The following UNC13C variants were observed in gnomAD, a reference collection of about 807,000 sequenced individuals.
UNC13C encodes protein unc-13 homolog C.
A neutral mutation model predicts 245.4 loss-of-function variants in UNC13C; 174 were observed. The ratio of observed to expected loss-of-function variants is 0.71; its 90% CI spans 0.63 to 0.80. UNC13C has a LOEUF of 0.80. UNC13C is among the 30% of genes least tolerant of loss of function. The pLI is 0.00. For missense variants in UNC13C, 2,829 were observed against 2,602.9 expected (o/e 1.09, Z -1.89); for synonymous variants, 992 against 895.1 (o/e 1.11, Z -1.93).
intron 1 of UNC13C, among the ~76,000 whole-genome samples, chr15:53,991,252 A>G (rs576156129): frequency 3.3e-5 from 5 of 152,156 alleles, no homozygotes; most frequent in East Asian, 1.9e-4. Flanking sequence ...AGAGGAGTCT[A>G]TAAGGTTAAA....
At chr15:54,122,250 GT>G in intron 2 of UNC13C, among the ~76,000 whole-genome samples, 1 of 151,880 alleles carries the variant, frequency 6.6e-6, no homozygotes, top group African/African-American at 2.4e-5. Flanking sequence ...GGTGTACCAT[GT>G]TTTTAATAAA....
At chr15:54,249,133 C>G (rs1359516424) in intron 7 of UNC13C, among the ~76,000 whole-genome samples, 1 of 152,092 alleles carries the variant, frequency 6.6e-6, no homozygotes, top group Admixed American at 6.5e-5. Context: ...TGGTCTTTCT[C>G]TCAGGAAGTC....
At chr15:54,282,997 C>T (rs948267639) in intron 10 of UNC13C, among the ~76,000 whole-genome samples, 1 of 152,078 alleles carries the variant, frequency 6.6e-6, no homozygotes, top group Non-Finnish European at 1.5e-5. Flanking sequence ...GAAGACCTCA[C>T]TCAAAGGTGG....
chr15:53,973,989 C>T (rs978198231), upstream of UNC13C, among the ~76,000 whole-genome samples: 14 of 152,106 alleles, frequency 9.2e-5, no homozygotes, highest in African/African-American at 2.9e-4. Context: ...AGTAGACGTT[C>T]AAGGCCTGAT....
chr15:54,522,073 C>A (rs548121292), intron 24 of UNC13C, among the ~76,000 whole-genome samples: 1 of 152,144 alleles, frequency 6.6e-6, no homozygotes, highest in Non-Finnish European at 1.5e-5. Context: ...GCTAGCTACA[C>A]TTGAGCGAAA....
intron 26 of UNC13C, among the ~76,000 whole-genome samples, chr15:54,540,977 T>C (rs1896218562): frequency 6.6e-6 from 1 of 152,054 alleles, no homozygotes; most frequent in African/African-American, 2.4e-5. Context: ...TTTGTTATTC[T>C]GCCATGACAC....
intron 17 of UNC13C, among the ~76,000 whole-genome samples, chr15:54,376,326 C>G (rs1320832582): frequency 6.6e-6 from 1 of 151,866 alleles, no homozygotes; most frequent in Non-Finnish European, 1.5e-5. Context: ...TAAGATTCCT[C>G]TAAAGACAAA....
intron 2 of UNC13C, among the ~76,000 whole-genome samples, chr15:54,067,011 T>G (rs1898107465): frequency 6.6e-6 from 1 of 152,138 alleles, no homozygotes; most frequent in Non-Finnish European, 1.5e-5. Flanking sequence ...ATCTAAGACA[T>G]GGCTTGTTTT....
Position 54,020,504 on chromosome 15 carries a change from C to T in UNC13C, c.2983+4618C>T, listed in dbSNP as rs184842984. On this transcript the variant is annotated intron_variant, in intron 2 of 32. Coordinates refer to ENST00000260323, the MANE Select transcript of UNC13C (RefSeq NM_001080534.3). Reference sequence around the variant, plus strand: ...TTCACCATATTATCCAGGCTGGTCTCGAACTCCTGACCTCGTGATCTGCCT... The same window carrying T: ...TTCACCATATTATCCAGGCTGGTCTTGAACTCCTGACCTCGTGATCTGCCT... Among the ~76,000 whole-genome samples the T allele has an allele frequency of 3.6e-3, 527 of 144,838 alleles. 4 individuals carry two copies. Among genetic ancestry groups the T allele is most frequent in the African/African-American group, 0.013 (514 of 39,228 alleles).
At chr15:54,562,266 T>C (rs1281266890) in intron 29 of UNC13C, among the ~76,000 whole-genome samples, 4 of 152,022 alleles carry the variant, frequency 2.6e-5, no homozygotes, top group Admixed American at 1.3e-4. Context: ...ACACCAAAGG[T>C]AGAATGGATA....
the UNC13C span, among the ~76,000 whole-genome samples, chr15:53,895,095 G>A: frequency 3.9e-5 from 6 of 152,036 alleles, no homozygotes; most frequent in African/African-American, 1.4e-4. Flanking sequence ...TGGGCGTGGT[G>A]GCTCATGCCT....
chr15:54,218,202 T>C (rs2035101455), intron 4 of UNC13C, among the ~76,000 whole-genome samples: 2 of 151,990 alleles, frequency 1.3e-5, no homozygotes, highest in Admixed American at 1.3e-4. Context: ...CTCCTGTCAG[T>C]AACAAGTGTT....
intron 19 of UNC13C, among the ~76,000 whole-genome samples, chr15:54,422,466 A>G (rs1361080677): frequency 6.6e-6 from 1 of 152,016 alleles, no homozygotes; most frequent in Non-Finnish European, 1.5e-5. Context: ...TTCCTCTTTC[A>G]ATTGACCAAA....
chr15:53,933,458 T>G, the UNC13C span, among the ~76,000 whole-genome samples: 1 of 152,132 alleles, frequency 6.6e-6, no homozygotes, highest in East Asian at 1.9e-4. Context: ...TGGTTAGACA[T>G]TTAAATATTT....
chr15:53,981,916 C>T lies in UNC13C; in HGVS notation c.-257+2989C>T, dbSNP rs530961181. The stretch of plus-strand genomic sequence containing the variant: ...TTTCCCATCTCTTTTATATCCTAGT[C>T]ATATTGTATATTTTAGTCTCAGCAT... On this transcript the variant is annotated intron_variant, in intron 1 of 32. Coordinates refer to ENST00000260323, the MANE Select transcript of UNC13C (RefSeq NM_001080534.3). 5.3e-5 allele frequency among the ~76,000 whole-genome samples: 8 copies of T among 152,128 alleles called. No homozygotes were observed. In the East Asian group the frequency reaches 1.4e-3, roughly 26 times the overall value.
chr15:53,999,438 G>A (rs574961884), intron 1 of UNC13C, among the ~76,000 whole-genome samples: 1 of 151,728 alleles, frequency 6.6e-6, no homozygotes, highest in South Asian at 2.1e-4. Flanking sequence ...TCTCATTGTC[G>A]GTTTAATATC....
Position 54,346,184 on chromosome 15 carries a change from C to T in UNC13C, c.4713+7695C>T, listed in dbSNP as rs534042728. ...TGTATTCCCAGTGCCTGGTGGTATA[C>T]CTGACTCTGAGTAGGGTTGATAAAC... On this transcript the variant is annotated intron_variant, in intron 17 of 32. Transcript: ENST00000260323. Among the ~76,000 whole-genome samples the T allele has an allele frequency of 2.6e-5, 4 of 152,036 alleles. No individual in the cohort carries two copies. In the South Asian group the frequency reaches 8.3e-4, roughly 32 times the overall value.
chr15:54,541,718 G>T (rs1039289788), intron 26 of UNC13C, among the ~76,000 whole-genome samples: 4 of 152,080 alleles, frequency 2.6e-5, no homozygotes, highest in African/African-American at 9.7e-5. Context: ...AATATATACA[G>T]AAGAAGTTTC....
At chr15:54,410,792 A>G (rs1018846457) in intron 18 of UNC13C, among the ~76,000 whole-genome samples, 2 of 151,508 alleles carry the variant, frequency 1.3e-5, no homozygotes, top group African/African-American at 4.8e-5. Context: ...AGGTAGTGTG[A>G]TATCTTTGGC....
Sources: gnomAD v4.1 joint callset for allele counts (sites outside exome capture counted in the v4.1 genomes callset) on GRCh38, gnomAD v4.1.1 for gene constraint, MANE v1.5 for transcripts, NCBI Gene and HGNC (gene_info 2026-07-23, HGNC 2026-07-21) for gene names.